The following JMJD1C variants were observed in gnomAD, a reference collection of about 807,000 sequenced individuals.
JMJD1C encodes the protein jumonji domain-containing protein 1C.
JMJD1C carries 31 observed loss-of-function variants against 245.3 expected under a neutral mutation model. The ratio of observed to expected loss-of-function variants is 0.13; its 90% confidence interval spans 0.09 to 0.17. The LOEUF is 0.17. Among genes scored for constraint, JMJD1C ranks in the 10% least tolerant of loss-of-function variants. The probability of loss-of-function intolerance (pLI) is 1.00; values close to 1 mark genes in which losing one functional copy is unlikely to be tolerated. For synonymous variants in JMJD1C, 1,057 were observed against 1,017.4 expected (o/e 1.04, Z -0.74); for missense variants, 2,691 against 3,000.2 (o/e 0.90, Z 2.41).
chr10:63,484,259 T>C (rs927421056), intron 1 of JMJD1C, among the ~76,000 whole-genome samples: 21 of 46,214 alleles, frequency 4.5e-4, no homozygotes, highest in East Asian at 1.1e-3. Flanking sequence ...GATAGATAGA[T>C]AGATAGATAG....
At chr10:63,271,291 C>T (rs967482011) in intron 2 of JMJD1C, among the ~76,000 whole-genome samples, 2 of 152,008 alleles carry the variant, frequency 1.3e-5, no homozygotes, top group Non-Finnish European at 2.9e-5. Context: ...ATTCTCCTGC[C>T]TCAGCCTCCA....
At chr10:63,299,779 T>C (rs1859871568) in intron 2 of JMJD1C, among the ~76,000 whole-genome samples, 2 of 152,134 alleles carry the variant, frequency 1.3e-5, no homozygotes, top group Admixed American at 1.3e-4. Context: ...GCCCTCATCC[T>C]TGTGTTCAAA....
chr10:63,400,746 G>C (rs1454177568), intron 1 of JMJD1C, among the ~76,000 whole-genome samples: 2 of 152,060 alleles, frequency 1.3e-5, no homozygotes, highest in Non-Finnish European at 2.9e-5. Flanking sequence ...ACTTTTAGTA[G>C]AGACGGGGTT....
rs189421402 is a variant in JMJD1C at position 63,194,925 on chromosome 10, C to T, written c.5645-550G>A. Among the ~76,000 whole-genome samples, 250 of 152,276 alleles carry T rather than the reference C, an allele frequency of 1.6e-3. 2 individuals are homozygous for T. The highest frequency in any genetic ancestry group is 3.1e-3 in the Non-Finnish European group (211 of 68,030). ...TAAAGAATTAAGGCATAGCATAGGG[C>T]ATAACATAAAGAATAAAAGCATTTG... is the stretch of plus-strand genomic sequence containing the variant. On this transcript the variant is annotated intron_variant, in intron 13 of 25. Coordinates refer to ENST00000399262, the MANE Select transcript of JMJD1C (RefSeq NM_032776.3).
At position 63,183,475 on chromosome 10, in the gene JMJD1C, T is replaced by C; in HGVS notation, c.7056A>G (p.Ala2352=). The C allele has an allele frequency of 1.9e-6, 3 of 1,606,538 alleles. No homozygotes were observed. Among genetic ancestry groups the C allele is most frequent in the East Asian group, 4.5e-5 (2 of 44,634 alleles). The change falls in exon 22 of 26, where the codon GCA becomes GCG. Residue 2352 remains alanine (A), a synonymous_variant. Coordinates refer to ENST00000399262, the MANE Select transcript of JMJD1C (RefSeq NM_032776.3). ...VVNILVYVGI[A]KGNGILSKAG... ...CTTTTGAGAGAATGCCATTTCCTTTTGCTATGCCAACATAAACTAGTATAT... is the reference window on the plus strand; with the variant it reads ...CTTTTGAGAGAATGCCATTTCCTTTCGCTATGCCAACATAAACTAGTATAT...
At chr10:63,353,649 G>A (rs1944555663) in intron 2 of JMJD1C, among the ~76,000 whole-genome samples, 1 of 151,770 alleles carries the variant, frequency 6.6e-6, no homozygotes, top group Admixed American at 6.6e-5. Context: ...CGGAGTAGCT[G>A]AGATTACAGG....
At chr10:63,278,973 C>T (rs1465125081) in intron 2 of JMJD1C, among the ~76,000 whole-genome samples, 2 of 152,042 alleles carry the variant, frequency 1.3e-5, no homozygotes, top group African/African-American at 4.8e-5. Context: ...TGGCTGGCTA[C>T]GCACGGTAGC....
intron 1 of JMJD1C, among the ~76,000 whole-genome samples, chr10:63,423,204 A>G (rs1950232236): frequency 6.6e-6 from 1 of 152,118 alleles, no homozygotes; most frequent in African/African-American, 2.4e-5. Context: ...ACCTCTGGTG[A>G]TATGCCCACC....
chr10:63,323,369 C>A (rs1032543997), intron 2 of JMJD1C, among the ~76,000 whole-genome samples: 1 of 152,094 alleles, frequency 6.6e-6, no homozygotes, highest in African/African-American at 2.4e-5. Context: ...ACTAAAAATA[C>A]AAAAACTAGG....
chr10:63,252,211 A>G (rs183109457), intron 3 of JMJD1C, among the ~76,000 whole-genome samples: 1 of 152,330 alleles, frequency 6.6e-6, no homozygotes, highest in East Asian at 1.9e-4. Context: ...TGACAAAACT[A>G]AGAATCAAAT....
chr10:63,206,935 A>C lies in JMJD1C; in HGVS notation c.4734T>G (p.Ile1578Met), dbSNP rs1296593462. ...TTAAGTTGACAGAACATGGCTTAAT[A>C]ATTTCTGATACAGAATTCCCTGAAT... ...MENSGNSVSE[I>M]IKPCSVNLIA... The change falls in exon 10 of 26, where the codon ATT becomes ATG. Residue 1578 changes from isoleucine (I) to methionine (M), a missense_variant. Physicochemically the swap from Ile to Met is conservative, Grantham distance 10. Coordinates refer to ENST00000399262, the MANE Select transcript of JMJD1C (RefSeq NM_032776.3). 1.2e-6 allele frequency: 2 copies of C among 1,612,216 alleles called. No homozygotes were observed. Among genetic ancestry groups the C allele is most frequent in the Non-Finnish European group, 1.7e-6 (2 of 1,179,170 alleles).
At chr10:63,413,456 A>G (rs918601572) in intron 1 of JMJD1C, among the ~76,000 whole-genome samples, 2 of 152,196 alleles carry the variant, frequency 1.3e-5, no homozygotes, top group African/African-American at 2.4e-5. Flanking sequence ...GCAGAATTAC[A>G]AAATAGAGAC....
At chr10:63,448,354 A>G (rs909535508) in intron 1 of JMJD1C, among the ~76,000 whole-genome samples, 1 of 152,142 alleles carries the variant, frequency 6.6e-6, no homozygotes, top group African/African-American at 2.4e-5. Context: ...GCGAGGTTTC[A>G]TCATGTTGGC....
At chr10:63,460,521 A>G (rs1014977755) in intron 1 of JMJD1C, among the ~76,000 whole-genome samples, 1 of 152,196 alleles carries the variant, frequency 6.6e-6, no homozygotes, top group Non-Finnish European at 1.5e-5. Context: ...CCTGTCTCAA[A>G]AAAGAGTAAA....
chr10:63,388,755 T>C (rs925569492), intron 1 of JMJD1C, among the ~76,000 whole-genome samples: 3 of 152,108 alleles, frequency 2.0e-5, no homozygotes, highest in Non-Finnish European at 2.9e-5. Flanking sequence ...TGAAATGATT[T>C]AAAATAATGG....
chr10:63,208,723 A>T lies in JMJD1C; in HGVS notation c.2946T>A (p.Asn982Lys). The T allele has an allele frequency of 6.2e-7, 1 of 1,613,758 alleles. No individual in the cohort carries two copies. Among genetic ancestry groups the T allele is most frequent in the Non-Finnish European group, 8.5e-7 (1 of 1,179,740 alleles). The change falls in exon 10 of 26, where the codon AAT becomes AAA. Residue 982 changes from asparagine (N) to lysine (K), a missense_variant. Around this residue, in one of 9 missense-constraint regions of JMJD1C, gnomAD observed 1,562 missense variants for 1,490.7 expected, o/e 1.05. Coordinates refer to ENST00000399262, the MANE Select transcript of JMJD1C (RefSeq NM_032776.3). ...STSAKNDLDL[N>K]RSQTGKDCHL... ...GACAATCTTTTCCAGTCTGTGACCT[A>T]TTTAGATCCAGGTCATTTTTGGCTG... is the stretch of plus-strand genomic sequence containing the variant.
rs147480900 is a variant in JMJD1C at position 63,204,194 on chromosome 10, A to C, written c.5074+2401T>G. ...CAAAAGCAAGTCAACTCTGTCCACAATTAATAGATGACATCTAATATTGAC... is the reference window on the plus strand; with the variant it reads ...CAAAAGCAAGTCAACTCTGTCCACACTTAATAGATGACATCTAATATTGAC... On this transcript the variant is annotated intron_variant, in intron 10 of 25. Coordinates refer to ENST00000399262, the MANE Select transcript of JMJD1C (RefSeq NM_032776.3). The C allele has an allele frequency of 1.5e-4, 150 of 985,382 alleles. No homozygotes were observed. In the African/African-American group the frequency reaches 2.5e-3, roughly 17 times the overall value. The allele number at this position is 985,382 out of a possible 1,614,324, so 61.0% of individuals were successfully genotyped here.
At chr10:63,328,505 TTGTC>T (rs1941785351) in intron 2 of JMJD1C, among the ~76,000 whole-genome samples, 1 of 152,242 alleles carries the variant, frequency 6.6e-6, no homozygotes, top group East Asian at 1.9e-4. Context: ...ATGTGATGTT[TTGTC>T]TGTATTTCCA....
chr10:63,492,089 T>A (rs767979755), intron 1 of JMJD1C, among the ~76,000 whole-genome samples: 18 of 152,070 alleles, frequency 1.2e-4, no homozygotes, highest in Non-Finnish European at 2.6e-4. Flanking sequence ...CAGGCTGGAG[T>A]AAAGCGTGAT....
Sources: allele counts gnomAD v4.1 joint callset (sites outside exome capture counted in the v4.1 genomes callset), GRCh38; gene constraint gnomAD v4.1.1; regional missense constraint gnomAD v4.1.1; transcripts MANE v1.5; gene names NCBI Gene and HGNC (gene_info 2026-07-23, HGNC 2026-07-21).